TEX14: variants seen among roughly 807,000 people sequenced by gnomAD.
TEX14 encodes the protein testis expressed 14, intercellular bridge forming factor.
Under a neutral mutation model 178.6 loss-of-function variants are expected in TEX14, and 168 were observed. The observed-to-expected ratio is 0.94, with a 90% confidence interval of 0.83 to 1.07. The LOEUF (loss-of-function observed/expected upper bound fraction) is 1.07, where lower values mean the gene tolerates loss of function less well. Among genes scored for constraint, TEX14 ranks in the 50% least tolerant of loss-of-function variants. TEX14 has a pLI of 0.00. For missense variants in TEX14, 1,730 were observed against 1,753.6 expected, an observed-to-expected ratio of 0.99 and a Z score of 0.24; for synonymous variants, 626 against 634.1, an observed-to-expected ratio of 0.99 and a Z score of 0.19.
intron 2 of TEX14, among the ~76,000 whole-genome samples, chr17:58,646,665 T>A (rs1253182755): frequency 1.3e-5 from 2 of 152,168 alleles, no homozygotes; most frequent in East Asian, 3.9e-4. Flanking sequence ...GGTCCTGGCC[T>A]AAGCAACACT....
intron 1 of TEX14, among the ~76,000 whole-genome samples, chr17:58,653,946 C>T (rs1255121661): frequency 6.6e-6 from 1 of 152,154 alleles, no homozygotes; most frequent in African/African-American, 2.4e-5. Context: ...CTTTGGGAGG[C>T]CGAGGCGGGC....
At chr17:58,616,096 C>T (rs2045865543) in intron 7 of TEX14, 79 bp downstream of exon 7, 7 of 1,471,406 alleles carry the variant, frequency 4.8e-6, no homozygotes, top group African/African-American at 1.4e-5. Context: ...TAGAAACTCC[C>T]CACACATAAG....
intron 26 of TEX14, among the ~76,000 whole-genome samples, chr17:58,566,222 A>C (rs2044394570): frequency 6.6e-6 from 1 of 152,238 alleles, no homozygotes; most frequent in Non-Finnish European, 1.5e-5. Context: ...ACATTAATTC[A>C]GGATGAATGT....
At position 58,564,976 on chromosome 17, in the gene TEX14, C is replaced by T. The variant is rs374386319; in HGVS notation, c.3965-8G>A. 2.6e-6 allele frequency: 4 copies of T among 1,526,228 alleles called. No individual in the cohort carries two copies. The African/African-American group carries it at 5.6e-5, about 21-fold the overall frequency. 94.5% of individuals were successfully genotyped at this position (1,526,228 alleles called of 1,614,324 possible). A position where few individuals can be genotyped will look rare whatever the true frequency, so the allele number is the denominator to read the frequency against. ...CTTCTAAGTGCCTTTGATCTAAAAA[C>T]AGTTGAAAGAATTAACTTTATTAGA... On this transcript the variant is annotated splice_polypyrimidine_tract_variant and splice_region_variant and intron_variant, in intron 27 of 31. Coordinates refer to ENST00000349033, the MANE Select transcript of TEX14 (RefSeq NM_031272.5).
intron 1 of TEX14, among the ~76,000 whole-genome samples, chr17:58,688,507 G>A (rs140973519): frequency 3.9e-5 from 6 of 152,146 alleles, no homozygotes; most frequent in African/African-American, 1.4e-4. Flanking sequence ...CTGAATATGC[G>A]CATTAGAATG....
intron 26 of TEX14, among the ~76,000 whole-genome samples, chr17:58,568,137 T>C (rs1005671450): frequency 2.0e-5 from 3 of 152,110 alleles, no homozygotes; most frequent in African/African-American, 7.2e-5. Flanking sequence ...ATCCCAGATA[T>C]GGAAAGCAGG....
At chr17:58,674,151 C>G (rs1268584210) in intron 1 of TEX14, among the ~76,000 whole-genome samples, 2 of 151,920 alleles carry the variant, frequency 1.3e-5, no homozygotes, top group Non-Finnish European at 2.9e-5. Context: ...TGGCATGCGC[C>G]TATAATCCCA....
chr17:58,660,532 G>A (rs2047086668), intron 1 of TEX14: 1 of 738,164 alleles, frequency 1.4e-6, no homozygotes, highest in South Asian at 1.5e-5. Flanking sequence ...GTTTTCCTTG[G>A]CGGGGAAGGT....
intron 23 of TEX14, among the ~76,000 whole-genome samples, chr17:58,572,772 T>C (rs769164929): frequency 3.9e-5 from 6 of 152,044 alleles, no homozygotes; most frequent in Non-Finnish European, 8.8e-5. Context: ...AAACCACAAA[T>C]ATATTGGAAG....
chr17:58,685,385 G>A (rs1190264879), intron 1 of TEX14, among the ~76,000 whole-genome samples: 5 of 149,356 alleles, frequency 3.3e-5, no homozygotes, highest in African/African-American at 1.2e-4. Flanking sequence ...GCAGTGAGCC[G>A]AGATCACACC....
chr17:58,680,020 C>T (rs763910537), intron 1 of TEX14, among the ~76,000 whole-genome samples: 23 of 152,064 alleles, frequency 1.5e-4, no homozygotes, highest in Non-Finnish European at 5.9e-5. Flanking sequence ...AGGTAAATAA[C>T]GTAAACTAGC....
chr17:58,643,874 CAAAAAAAAAAAA>C (rs71143262), intron 2 of TEX14, among the ~76,000 whole-genome samples: 8 of 20,514 alleles, frequency 3.9e-4, no homozygotes, highest in Admixed American at 2.0e-3. Flanking sequence ...GACTCTGTCT[CAAAAAAAAAAAA>C]AAAAAAAAAA....
At chr17:58,588,379 C>A (rs188996794) in intron 15 of TEX14, among the ~76,000 whole-genome samples, 1 of 152,158 alleles carries the variant, frequency 6.6e-6, no homozygotes, top group East Asian at 1.9e-4. Context: ...CTGCAACCTC[C>A]GCCTCCTGGG....
At chr17:58,672,585 C>A (rs1180600030) in intron 1 of TEX14, among the ~76,000 whole-genome samples, 1 of 152,168 alleles carries the variant, frequency 6.6e-6, no homozygotes, top group African/African-American at 2.4e-5. Flanking sequence ...AGGCACGCGC[C>A]ACCAGGCCCA....
At chr17:58,590,319 C>T (rs1306540877) in intron 15 of TEX14, among the ~76,000 whole-genome samples, 1 of 149,432 alleles carries the variant, frequency 6.7e-6, no homozygotes, top group Non-Finnish European at 1.5e-5. Flanking sequence ...GAAGCCTGGG[C>T]GACAGAGCGA....
At position 58,585,870 on chromosome 17, in the gene TEX14, C is replaced by A; in HGVS notation, c.3001G>T (p.Asp1001Tyr). The change falls in exon 18 of 32, where the codon GAC becomes TAC. Residue 1001 changes from aspartate to tyrosine, a missense_variant. Around this residue, in one of 2 missense-constraint regions of TEX14, gnomAD observed 941 missense variants for 1,072.4 expected, o/e 0.88. Coordinates refer to ENST00000349033, the MANE Select transcript of TEX14 (RefSeq NM_031272.5). ...NDEPRGNGKF[D>Y]KTGNNDCDSD... ...TCACAGTCATTGTTGCCCGTCTTGT[C>A]AAACTTGCCATTTCCTCTGGGCTCA... is the stretch of plus-strand genomic sequence containing the variant. 1 of 1,614,060 alleles carries A rather than the reference C, an allele frequency of 6.2e-7. No homozygotes were observed. The highest frequency in any genetic ancestry group is 1.1e-5 in the South Asian group (1 of 91,064).
At chr17:58,636,870 G>A (rs1322200596) in intron 2 of TEX14, among the ~76,000 whole-genome samples, 2 of 151,406 alleles carry the variant, frequency 1.3e-5, no homozygotes, top group Non-Finnish European at 2.9e-5. Flanking sequence ...CTGAGATCGC[G>A]CCACTACACT....
intron 24 of TEX14, 93 bp from the exon 25 acceptor site, chr17:58,570,577 G>T: frequency 1.9e-5 from 10 of 532,732 alleles, no homozygotes; most frequent in Admixed American, 4.5e-5. Flanking sequence ...TGTTGATTAA[G>T]TCAAACTCAC....
In TEX14 at chr17:58,605,055, T is replaced by C; in HGVS notation, c.1259A>G (p.Glu420Gly). Residue 420 changes from glutamate to glycine, a missense_variant, in exon 11 of 32, where the codon GAA becomes GGA. Physicochemically the swap from Glu to Gly is moderately conservative, Grantham distance 98 (BLOSUM62 -2). Coordinates refer to ENST00000349033, the MANE Select transcript of TEX14 (RefSeq NM_031272.5). ...PTQLYNWAAP[E>G]VILQKAATVK... ...TGTGGCTGCCTTCTGTAAGATCACT[T>C]CTGGTGCGGCCCAGTTGTATAGCTG... The C allele has an allele frequency of 6.2e-7, 1 of 1,614,192 alleles. No individual in the cohort carries two copies. The highest frequency in any genetic ancestry group is 8.5e-7 in the Non-Finnish European group (1 of 1,180,036).
Sources: gnomAD v4.1 joint callset for allele counts (sites outside exome capture counted in the v4.1 genomes callset) on GRCh38, gnomAD v4.1.1 for gene constraint, gnomAD v4.1.1 regional missense constraint, MANE v1.5 for transcripts, NCBI Gene and HGNC (gene_info 2026-07-23, HGNC 2026-07-21) for gene names.